PBX1: variants seen among roughly 807,000 people sequenced by gnomAD.
PBX1 encodes pre-B-cell leukemia transcription factor 1.
Under a neutral mutation model 53.4 loss-of-function variants are expected in PBX1, and 6 were observed. The observed-to-expected ratio is 0.11, with a 90% CI of 0.06 to 0.22. PBX1 has a LOEUF of 0.22. Ranked by LOEUF, PBX1 falls within the 10% of genes least tolerant of loss-of-function variation. The probability of loss-of-function intolerance (pLI) is 1.00; values close to 1 mark genes in which losing one functional copy is unlikely to be tolerated. For missense variants in PBX1, 251 were observed against 551.4 expected, an observed-to-expected ratio of 0.46 and a Z score of 5.46; for synonymous variants, 204 against 212.3, an observed-to-expected ratio of 0.96 and a Z score of 0.34.
chr1:164,840,589 A>G (rs181713128), intron 8 of PBX1, among the ~76,000 whole-genome samples: 4 of 152,220 alleles, frequency 2.6e-5, no homozygotes, highest in Admixed American at 2.6e-4. Context: ...CTTTCTGGAG[A>G]ACACTCCTTG....
intron 2 of PBX1, among the ~76,000 whole-genome samples, chr1:164,722,677 T>A (rs1269733946): frequency 7.9e-5 from 12 of 152,200 alleles, no homozygotes; most frequent in Non-Finnish European, 1.3e-4. Flanking sequence ...TTCTTTTCTT[T>A]GTTTTGGTCA....
intron 2 of PBX1, among the ~76,000 whole-genome samples, chr1:164,699,508 C>T (rs193124702): frequency 2.2e-4 from 33 of 152,188 alleles, no homozygotes; most frequent in African/African-American, 7.5e-4. Context: ...ATCACTCTAC[C>T]GCATGAACAG....
intron 2 of PBX1, among the ~76,000 whole-genome samples, chr1:164,653,121 C>T (rs908753541): frequency 6.6e-6 from 1 of 152,088 alleles, no homozygotes; most frequent in Non-Finnish European, 1.5e-5. Flanking sequence ...CCCGCCTCAG[C>T]CTCCCAAAGT....
In PBX1 at chr1:164,849,531, C is replaced by A; in HGVS notation, c.*2855C>A. 7.5e-7 allele frequency: 1 copy of A among 1,325,510 alleles called. No homozygotes were observed. Among genetic ancestry groups the A allele is most frequent in the Non-Finnish European group, 1.0e-6 (1 of 984,002 alleles). 82.1% of individuals were successfully genotyped at this position (1,325,510 alleles called of 1,614,324 possible). On this transcript the variant is annotated 3_prime_UTR_variant, in exon 9 of 9. Coordinates refer to ENST00000420696, the MANE Select transcript of PBX1 (RefSeq NM_002585.4). ...CCAGTCCTACAGAGAGCAAGATGCA[C>A]CCCAGGATTTCTTCATTTTCTAATA...
chr1:164,661,519 C>T (rs1326770242), intron 2 of PBX1, among the ~76,000 whole-genome samples: 6 of 151,594 alleles, frequency 4.0e-5, no homozygotes, highest in African/African-American at 7.3e-5. Context: ...CTCCACCTCC[C>T]GGGTTCAAAC....
chr1:164,687,110 G>T (rs1018548406), intron 2 of PBX1, among the ~76,000 whole-genome samples: 1 of 152,226 alleles, frequency 6.6e-6, no homozygotes, highest in Non-Finnish European at 1.5e-5. Context: ...AACAGCCATA[G>T]TTCTGGAGCA....
intron 6 of PBX1, chr1:164,816,306 G>C (rs1485468068): frequency 2.0e-5 from 3 of 152,094 alleles, no homozygotes; most frequent in African/African-American, 7.2e-5. Context: ...GCATGCATGG[G>C]ACATAATTTA....
chr1:164,810,325 T>C (rs1052289447), intron 5 of PBX1, among the ~76,000 whole-genome samples: 1 of 152,202 alleles, frequency 6.6e-6, no homozygotes, highest in Non-Finnish European at 1.5e-5. Context: ...TCATTCATGA[T>C]AACACTCATT....
chr1:164,795,310 G>A (rs1054834540), intron 3 of PBX1, among the ~76,000 whole-genome samples: 1 of 152,232 alleles, frequency 6.6e-6, no homozygotes, highest in African/African-American at 2.4e-5. Context: ...AGAAGAGAAT[G>A]TGGATGTCTT....
Position 164,643,893 on chromosome 1 carries a change from T to C in PBX1, c.265+80582T>C, listed in dbSNP as rs111391665. ...AATCACTGTGGTCTGAAGACTCTTA[T>C]GTAGGTTATAGCTGAGAATCCCTGA... On this transcript the variant is annotated intron_variant, in intron 2 of 8. Transcript: ENST00000420696. Among the ~76,000 whole-genome samples, 872 of 152,328 alleles carry C rather than the reference T, an allele frequency of 5.7e-3. 10 individuals are homozygous for C. Among genetic ancestry groups the C allele is most frequent in the African/African-American group, 0.02 (822 of 41,572 alleles).
chr1:164,757,658 A>C (rs1412908486), intron 2 of PBX1, among the ~76,000 whole-genome samples: 2 of 152,220 alleles, frequency 1.3e-5, no homozygotes, highest in Non-Finnish European at 2.9e-5. Flanking sequence ...ACAAGGAATA[A>C]GAAAGGATTT....
chr1:164,760,397 C>G (rs1456895574), intron 2 of PBX1, among the ~76,000 whole-genome samples: 2 of 151,288 alleles, frequency 1.3e-5, no homozygotes, highest in African/African-American at 4.9e-5. Flanking sequence ...TCTTTGCTCC[C>G]TCCTTTCCTC....
chr1:164,605,820 C>G (rs1656509670), intron 2 of PBX1, among the ~76,000 whole-genome samples: 1 of 152,122 alleles, frequency 6.6e-6, no homozygotes, highest in African/African-American at 2.4e-5. Context: ...CATACCAATT[C>G]CAATTTATAC....
At position 164,848,362 on chromosome 1, in the gene PBX1, A is replaced by G; in HGVS notation, c.*1686A>G. ...TGGTGCCTCATTTTCTTCATCTGTG[A>G]GATGGGAACTGTTATGCCTGGCTTA... On this transcript the variant is annotated 3_prime_UTR_variant, in exon 9 of 9. Coordinates refer to ENST00000420696, the MANE Select transcript of PBX1 (RefSeq NM_002585.4). 2 of 1,056,952 alleles carry G rather than the reference A, an allele frequency of 1.9e-6. No homozygotes were observed. The highest frequency in any genetic ancestry group is 2.3e-6 in the Non-Finnish European group (2 of 874,078). The allele number at this position is 1,056,952 out of a possible 1,614,324, so 65.5% of individuals were successfully genotyped here.
rs1190359009 is a variant in PBX1 at position 164,801,450 on chromosome 1, G to GAAA, written c.701+1575_701+1577dup. 9.4e-4 allele frequency among the ~76,000 whole-genome samples: 103 copies of GAAA among 109,244 alleles called. 1 individual carries two copies. Among genetic ancestry groups the GAAA allele is most frequent in the African/African-American group, 3.2e-3 (102 of 31,584 alleles). The allele number at this position is 109,244 out of a possible 152,430, so 71.7% of individuals were successfully genotyped here. A position where few individuals can be genotyped will look rare whatever the true frequency, so the allele number is the denominator to read the frequency against. ...GTTGGTATTTATGTTGGCAGATATTGAAAAAAAAAAAAAAAACAATTGGCT... is the reference window on the plus strand; with the variant it reads ...GTTGGTATTTATGTTGGCAGATATTGAAAAAAAAAAAAAAAAAAACAATTGGCT... On this transcript the variant is annotated intron_variant, in intron 4 of 8. Coordinates refer to ENST00000420696, the MANE Select transcript of PBX1 (RefSeq NM_002585.4).
intron 2 of PBX1, among the ~76,000 whole-genome samples, chr1:164,871,036 G>T (rs577692926): frequency 1.3e-5 from 2 of 152,160 alleles, no homozygotes; most frequent in East Asian, 3.9e-4. Flanking sequence ...ATTTAATTGA[G>T]CCCCTATGGC....
intron 2 of PBX1, among the ~76,000 whole-genome samples, chr1:164,573,348 CTTAT>C (rs1557867860): frequency 6.6e-6 from 1 of 151,758 alleles, no homozygotes; most frequent in Non-Finnish European, 1.5e-5. Flanking sequence ...AATAATACAT[CTTAT>C]TTAACTTAAA....
At chr1:164,870,112 T>C (rs980797834) in intron 2 of PBX1, among the ~76,000 whole-genome samples, 7 of 152,202 alleles carry the variant, frequency 4.6e-5, no homozygotes, top group Non-Finnish European at 2.9e-5. Context: ...ACCTAGGCCC[T>C]GATATCTTTT....
intron 8 of PBX1, among the ~76,000 whole-genome samples, chr1:164,834,827 C>T (rs1316308546): frequency 3.3e-5 from 5 of 152,234 alleles, no homozygotes; most frequent in Non-Finnish European, 7.3e-5. Flanking sequence ...GGTTGCTCTT[C>T]TCTAATGACC....
Sources: gnomAD v4.1 joint callset for allele counts (sites outside exome capture counted in the v4.1 genomes callset) on GRCh38, gnomAD v4.1.1 for gene constraint, MANE v1.5 for transcripts, NCBI Gene and HGNC (gene_info 2026-07-23, HGNC 2026-07-21) for gene names.